The following PCDH9 variants were observed in gnomAD, a reference collection of about 807,000 sequenced individuals.
PCDH9 encodes the protein protocadherin 9.
PCDH9 carries 24 observed loss-of-function variants against 70.6 expected under a neutral mutation model. The ratio of observed to expected loss-of-function variants is 0.34; its 90% CI spans 0.25 to 0.48. The LOEUF (loss-of-function observed/expected upper bound fraction) is 0.48, where lower values mean the gene tolerates loss of function less well. Ranked by LOEUF, PCDH9 falls within the 20% of genes least tolerant of loss-of-function variation. The pLI is 0.99. For synonymous variants in PCDH9, 562 were observed against 558.5 expected (o/e 1.01, Z -0.09); for missense variants, 1,281 against 1,503.6 (o/e 0.85, Z 2.45).
At chr13:66,891,845 G>A (rs934518336) in intron 3 of PCDH9, among the ~76,000 whole-genome samples, 18 of 150,732 alleles carry the variant, frequency 1.2e-4, no homozygotes, top group Non-Finnish European at 2.7e-4. Context: ...TTATGTTTTG[G>A]TTTGCTTTTT....
intron 4 of PCDH9, among the ~76,000 whole-genome samples, chr13:66,351,464 G>A (rs1339523104): frequency 2.0e-5 from 3 of 151,964 alleles, no homozygotes; most frequent in Non-Finnish European, 2.9e-5. Context: ...AAAGACGTTC[G>A]ATTTATAATT....
At chr13:66,520,243 C>T (rs977997227) in intron 4 of PCDH9, among the ~76,000 whole-genome samples, 1 of 152,132 alleles carries the variant, frequency 6.6e-6, no homozygotes, top group Non-Finnish European at 1.5e-5. Context: ...ACAGACTTTC[C>T]TGAATTTGGA....
At chr13:66,725,453 A>G (rs1446347780) in intron 3 of PCDH9, among the ~76,000 whole-genome samples, 1 of 152,158 alleles carries the variant, frequency 6.6e-6, no homozygotes, top group Non-Finnish European at 1.5e-5. Context: ...GTGAATGACA[A>G]GCTTTTAATT....
intron 2 of PCDH9, among the ~76,000 whole-genome samples, chr13:67,153,152 G>A (rs927544483): frequency 4.7e-5 from 7 of 148,354 alleles, no homozygotes; most frequent in African/African-American, 1.7e-4. Flanking sequence ...GACTAAATTA[G>A]TTTTCCCTTT....
chr13:66,627,039 CATG>C (rs1566465706), intron 4 of PCDH9, among the ~76,000 whole-genome samples: 3 of 151,578 alleles, frequency 2.0e-5, no homozygotes, highest in African/African-American at 7.3e-5. Context: ...AATGTCTCCA[CATG>C]ATACTACCAT....
chr13:66,727,165 G>A (rs535033977), intron 3 of PCDH9, among the ~76,000 whole-genome samples: 1 of 152,246 alleles, frequency 6.6e-6, no homozygotes, highest in South Asian at 2.1e-4. Flanking sequence ...CTACTTGGAA[G>A]AACGAGGAAT....
At chr13:67,215,289 A>G (rs2089576131) in intron 2 of PCDH9, 1 of 152,032 alleles carries the variant, frequency 6.6e-6, no homozygotes, top group Non-Finnish European at 1.5e-5. Context: ...TAGACACTGC[A>G]TTAATCACTA....
chr13:67,140,868 C>T (rs2087366619), intron 2 of PCDH9, among the ~76,000 whole-genome samples: 1 of 152,202 alleles, frequency 6.6e-6, no homozygotes. Context: ...AAAGTGAACA[C>T]TGTGTGTCTG....
rs1251516904 is a variant in PCDH9, at chr13:66,492,945, T to C, written c.3340+138265A>G. ...TGGGACTTTGTCCTTCTGAATATTT[T>C]ATTAATGAGGTGACTATCCTGTCTC... On this transcript the variant is annotated intron_variant, in intron 4 of 4. Transcript: ENST00000377865. Among the ~76,000 whole-genome samples, 7 of 152,296 alleles carry C rather than the reference T, an allele frequency of 4.6e-5. No homozygotes were observed. The South Asian group carries it at 1.2e-3, about 27-fold the overall frequency.
At chr13:66,699,953 G>A (rs1354323478) in intron 3 of PCDH9, among the ~76,000 whole-genome samples, 3 of 151,890 alleles carry the variant, frequency 2.0e-5, no homozygotes, top group African/African-American at 7.3e-5. Context: ...ATACTATGTA[G>A]TGTTTCTATT....
chr13:66,779,138 A>T (rs1765448755), intron 3 of PCDH9, among the ~76,000 whole-genome samples: 1 of 150,234 alleles, frequency 6.7e-6, no homozygotes, highest in African/African-American at 2.4e-5. Flanking sequence ...CTATTTTGGT[A>T]TCTTTTTCTC....
intron 2 of PCDH9, among the ~76,000 whole-genome samples, chr13:67,189,357 G>A (rs977195243): frequency 6.6e-6 from 1 of 151,830 alleles, no homozygotes; most frequent in African/African-American, 2.4e-5. Context: ...TTTATTTATT[G>A]TGCACCAATT....
chr13:66,773,523 C>T (rs937580149), intron 3 of PCDH9, among the ~76,000 whole-genome samples: 2 of 150,776 alleles, frequency 1.3e-5, no homozygotes, highest in Non-Finnish European at 3.0e-5. Flanking sequence ...CCCAGCTTCT[C>T]GGAGGTTGAG....
chr13:67,229,120 G>A (rs1204582675), intron 1 of PCDH9, among the ~76,000 whole-genome samples: 1 of 152,136 alleles, frequency 6.6e-6, no homozygotes, highest in African/African-American at 2.4e-5. Flanking sequence ...CGGACATGCC[G>A]CTGCAGCGGC....
chr13:66,533,120 T>G (rs1221678266), intron 4 of PCDH9, among the ~76,000 whole-genome samples: 1 of 152,156 alleles, frequency 6.6e-6, no homozygotes, highest in Non-Finnish European at 1.5e-5. Context: ...CTGACGTTAT[T>G]TCTGGCAGAA....
chr13:66,750,100 C>T (rs1035887564), intron 3 of PCDH9, among the ~76,000 whole-genome samples: 1 of 152,062 alleles, frequency 6.6e-6, no homozygotes, highest in Admixed American at 6.6e-5. Flanking sequence ...CATGTGCACA[C>T]ACACACACAA....
intron 2 of PCDH9, among the ~76,000 whole-genome samples, chr13:66,947,987 G>A (rs1309400778): frequency 1.3e-5 from 2 of 152,074 alleles, no homozygotes; most frequent in Non-Finnish European, 2.9e-5. Context: ...GTGGTAGAAA[G>A]AATTTTTTAA....
At chr13:66,988,514 C>G (rs1470082320) in intron 2 of PCDH9, among the ~76,000 whole-genome samples, 1 of 151,942 alleles carries the variant, frequency 6.6e-6, no homozygotes, top group African/African-American at 2.4e-5. Flanking sequence ...GAAAGGATGA[C>G]ACAGACTTTG....
At chr13:66,336,886 C>T (rs1334814191) in intron 4 of PCDH9, among the ~76,000 whole-genome samples, 6 of 151,932 alleles carry the variant, frequency 3.9e-5, no homozygotes, top group African/African-American at 1.4e-4. Flanking sequence ...GGATTAAATG[C>T]ATTATATTAT....
Sources: allele counts gnomAD v4.1 joint callset (sites outside exome capture counted in the v4.1 genomes callset), GRCh38; gene constraint gnomAD v4.1.1; transcripts MANE v1.5; gene names NCBI Gene and HGNC (gene_info 2026-07-23, HGNC 2026-07-21).